The following GABRB1 variants were observed in gnomAD, a reference collection of about 807,000 sequenced individuals.
GABRB1 encodes gamma-aminobutyric acid receptor subunit beta-1.
GABRB1 carries 17 observed loss-of-function variants against 51.6 expected under a neutral mutation model. The observed-to-expected ratio is 0.33, with a 90% CI of 0.23 to 0.49. The LOEUF is 0.49. Ranked by LOEUF, GABRB1 falls within the 20% of genes least tolerant of loss-of-function variation. The pLI is 0.99. For missense variants in GABRB1, 410 were observed against 600.6 expected (o/e 0.68, Z 3.32); for synonymous variants, 247 against 218.9 (o/e 1.13, Z -1.14).
At chr4:47,319,926 A>G (rs1229936507) in intron 4 of GABRB1, among the ~76,000 whole-genome samples, 2 of 152,190 alleles carry the variant, frequency 1.3e-5, no homozygotes, top group East Asian at 3.8e-4. Flanking sequence ...GTATGTTTTT[A>G]GAAATTTATC....
chr4:47,301,520 G>A (rs768484120), intron 4 of GABRB1, among the ~76,000 whole-genome samples: 2 of 151,570 alleles, frequency 1.3e-5, no homozygotes, highest in Admixed American at 1.3e-4. Flanking sequence ...TGTAGTCCCA[G>A]CTACTTGGGA....
At chr4:47,176,091 A>G (rs1718684630) in intron 4 of GABRB1, among the ~76,000 whole-genome samples, 1 of 152,152 alleles carries the variant, frequency 6.6e-6, no homozygotes, top group African/African-American at 2.4e-5. Flanking sequence ...CAAAGGGAGC[A>G]CACAAATGAA....
At chr4:47,379,846 A>T (rs1727531804) in intron 5 of GABRB1, among the ~76,000 whole-genome samples, 1 of 152,194 alleles carries the variant, frequency 6.6e-6, no homozygotes. Flanking sequence ...ACAGACTAAT[A>T]CTGCCCTAAC....
At chr4:47,270,056 T>C (rs1722801857) in intron 4 of GABRB1, among the ~76,000 whole-genome samples, 1 of 152,020 alleles carries the variant, frequency 6.6e-6, no homozygotes, top group Admixed American at 6.6e-5. Context: ...GTCTTTTGCC[T>C]GCAATGCAGT....
chr4:47,258,867 G>C (rs938302171), intron 4 of GABRB1, among the ~76,000 whole-genome samples: 15 of 152,070 alleles, frequency 9.9e-5, no homozygotes, highest in African/African-American at 3.6e-4. Flanking sequence ...TTATCTTTAA[G>C]CCTAGGGTTA....
At chr4:47,028,575 T>C (rs1725173095), upstream of GABRB1, among the ~76,000 whole-genome samples, 1 of 151,664 alleles carries the variant, frequency 6.6e-6, no homozygotes. Context: ...ATATTTCAAA[T>C]ATCTAGAAAT....
chr4:47,023,765 C>T (rs1725003540), intron 1 of GABRB1, among the ~76,000 whole-genome samples: 1 of 151,912 alleles, frequency 6.6e-6, no homozygotes, highest in Non-Finnish European at 1.5e-5. Flanking sequence ...TATCAAACAT[C>T]TCATGTACCC....
chr4:47,175,060 C>T lies in GABRB1; in HGVS notation c.461+13591C>T, dbSNP rs1488257146. Among the ~76,000 whole-genome samples the T allele has an allele frequency of 4.7e-5, 7 of 147,880 alleles. No individual in the cohort carries two copies. In the East Asian group the frequency reaches 1.4e-3, roughly 30 times the overall value. On this transcript the variant is annotated intron_variant, in intron 4 of 8. Coordinates refer to ENST00000295454, the MANE Select transcript of GABRB1 (RefSeq NM_000812.4). The stretch of plus-strand genomic sequence containing the variant: ...CCCTCCCTCCTTCCCTCCCTCCCTT[C>T]TTTCCTTCCTCCTTTCCTCCCTCCC...
chr4:47,044,326 C>T (rs1414919029), intron 3 of GABRB1, among the ~76,000 whole-genome samples: 1 of 152,058 alleles, frequency 6.6e-6, no homozygotes, highest in Non-Finnish European at 1.5e-5. Context: ...TCCAGACACT[C>T]TTGATCTGGA....
At chr4:47,234,641 A>G (rs1271395754) in intron 4 of GABRB1, among the ~76,000 whole-genome samples, 2 of 152,104 alleles carry the variant, frequency 1.3e-5, no homozygotes, top group African/African-American at 4.8e-5. Flanking sequence ...GATTTTATTG[A>G]TGGTAAAACT....
Position 47,073,656 on chromosome 4 carries a change from T to C in GABRB1, c.240+41172T>C, listed in dbSNP as rs971505164. On this transcript the variant is annotated intron_variant, in intron 3 of 8. Transcript: ENST00000295454. ...TTTCTAGAAGTTACTTTTGCCTTTC[T>C]CTTGAGCCGTAATCTCCTGCCTTTA... 4.6e-5 allele frequency among the ~76,000 whole-genome samples: 7 copies of C among 152,204 alleles called. 1 individual carries two copies. Among genetic ancestry groups the C allele is most frequent in the African/African-American group, 1.7e-4 (7 of 41,458 alleles).
chr4:47,105,181 T>C (rs1168631502), intron 3 of GABRB1, among the ~76,000 whole-genome samples: 1 of 152,118 alleles, frequency 6.6e-6, no homozygotes, highest in Non-Finnish European at 1.5e-5. Context: ...TCTTTATTTT[T>C]GTCTAGTCTT....
chr4:46,997,520 T>C (rs1433794527), intron 1 of GABRB1, among the ~76,000 whole-genome samples: 1 of 151,922 alleles, frequency 6.6e-6, no homozygotes, highest in Non-Finnish European at 1.5e-5. Flanking sequence ...ATCCCTCCTT[T>C]GGTAACTACC....
chr4:47,033,711 C>T (rs1378336016), intron 3 of GABRB1, among the ~76,000 whole-genome samples: 2 of 151,940 alleles, frequency 1.3e-5, no homozygotes, highest in Non-Finnish European at 2.9e-5. Flanking sequence ...ATAAATATGT[C>T]TATAGCTTAT....
chr4:47,377,687 C>G (rs892108697), intron 5 of GABRB1, among the ~76,000 whole-genome samples: 1 of 152,042 alleles, frequency 6.6e-6, no homozygotes. Flanking sequence ...TTTGACAGGG[C>G]GCTGATTGGT....
chr4:47,119,331 A>G (rs1367533041), intron 3 of GABRB1, among the ~76,000 whole-genome samples: 1 of 152,124 alleles, frequency 6.6e-6, no homozygotes, highest in African/African-American at 2.4e-5. Flanking sequence ...AGAAGAAAAT[A>G]GGGGCAAATT....
At chr4:47,232,486 A>G (rs1283310694) in intron 4 of GABRB1, among the ~76,000 whole-genome samples, 8 of 152,096 alleles carry the variant, frequency 5.3e-5, no homozygotes, top group Admixed American at 5.2e-4. Flanking sequence ...TGGTTCATCC[A>G]TGATCACGCA....
intron 5 of GABRB1, among the ~76,000 whole-genome samples, chr4:47,362,259 CTG>C (rs1330647003): frequency 6.6e-6 from 1 of 152,040 alleles, no homozygotes; most frequent in Non-Finnish European, 1.5e-5. Flanking sequence ...GTAGTACAAA[CTG>C]TTTGGGATTG....
At chr4:47,137,700 A>T (rs1245421570) in intron 3 of GABRB1, among the ~76,000 whole-genome samples, 2 of 152,150 alleles carry the variant, frequency 1.3e-5, no homozygotes, top group South Asian at 4.1e-4. Context: ...CCAAATGCTT[A>T]TCAACTCTTC....
Sources: gnomAD v4.1 joint callset for allele counts (sites outside exome capture counted in the v4.1 genomes callset) on GRCh38, gnomAD v4.1.1 for gene constraint, MANE v1.5 for transcripts, NCBI Gene and HGNC (gene_info 2026-07-23, HGNC 2026-07-21) for gene names.